The following ARK2C variants were observed in gnomAD, a reference collection of about 807,000 sequenced individuals.
ARK2C encodes arkadia (RNF111) C-terminal like ring finger ubiquitin ligase 2C.
chr18:46,403,143 C>T, the ARK2C span, among the ~76,000 whole-genome samples: 7,255 of 152,284 alleles, frequency 0.048, 196 homozygotes, highest in South Asian at 0.076. Context: ...TGTGATATTT[C>T]ACCTTGTTGG....
chr18:46,452,614 T>C, the ARK2C span, among the ~76,000 whole-genome samples: 2 of 152,066 alleles, frequency 1.3e-5, no homozygotes. Context: ...CTAGAACTGC[T>C]CTACAAAATA....
chr18:46,386,371 G>A, the ARK2C span: 1 of 152,168 alleles, frequency 6.6e-6, no homozygotes, highest in Non-Finnish European at 1.5e-5. Flanking sequence ...CATTTCATTT[G>A]AGACACAAGC....
chr18:46,371,924 C>A, the ARK2C span, among the ~76,000 whole-genome samples: 1 of 152,196 alleles, frequency 6.6e-6, no homozygotes, highest in South Asian at 2.1e-4. Context: ...TACTCTTATC[C>A]ATTCAACTAA....
At chr18:46,336,374 C>CT in the ARK2C span, 2 of 963,132 alleles carry the variant, frequency 2.1e-6, no homozygotes, top group Non-Finnish European at 2.4e-6. Flanking sequence ...TTCTCCCTCA[C>CT]CCCCCCCAAC....
chr18:46,431,189 C>T, the ARK2C span, among the ~76,000 whole-genome samples: 3 of 152,254 alleles, frequency 2.0e-5, no homozygotes, highest in African/African-American at 2.4e-5. Flanking sequence ...TGATGGTTTC[C>T]AGTTTCATCC....
the ARK2C span, among the ~76,000 whole-genome samples, chr18:46,344,523 G>A: frequency 1.1e-4 from 17 of 152,190 alleles, no homozygotes; most frequent in African/African-American, 3.9e-4. Flanking sequence ...ATGGGAGAAT[G>A]TGCCCACTCC....
chr18:46,384,368 T>C, the ARK2C span, among the ~76,000 whole-genome samples: 2 of 152,232 alleles, frequency 1.3e-5, no homozygotes, highest in Non-Finnish European at 2.9e-5. Flanking sequence ...GGGGGGATTC[T>C]TGATACTTCT....
the ARK2C span, among the ~76,000 whole-genome samples, chr18:46,362,177 C>G: frequency 2.6e-5 from 4 of 152,214 alleles, no homozygotes; most frequent in African/African-American, 9.6e-5. Context: ...GTCGCTGTCC[C>G]CTCCAAGGTC....
At chr18:46,360,334 G>T in the ARK2C span, among the ~76,000 whole-genome samples, 2 of 152,220 alleles carry the variant, frequency 1.3e-5, no homozygotes, top group Non-Finnish European at 2.9e-5. Flanking sequence ...CACAGAGGGT[G>T]CTCCCCTGCA....
the ARK2C span, among the ~76,000 whole-genome samples, chr18:46,443,693 G>A: frequency 6.6e-6 from 1 of 152,204 alleles, no homozygotes; most frequent in South Asian, 2.1e-4. Flanking sequence ...GACAGAGACT[G>A]TACGGCTTTT....
chr18:46,360,213 C>G, the ARK2C span, among the ~76,000 whole-genome samples: 1 of 152,200 alleles, frequency 6.6e-6, no homozygotes, highest in African/African-American at 2.4e-5. Context: ...CCTCCTCTCC[C>G]GCATGGGGCC....
the ARK2C span, among the ~76,000 whole-genome samples, chr18:46,374,778 A>G: frequency 1.3e-5 from 2 of 152,194 alleles, no homozygotes; most frequent in Non-Finnish European, 2.9e-5. Flanking sequence ...TGGGGGGGCT[A>G]GAGACCCTAC....
chr18:46,415,778 C>T, the ARK2C span, among the ~76,000 whole-genome samples: 1 of 152,242 alleles, frequency 6.6e-6, no homozygotes, highest in African/African-American at 2.4e-5. Flanking sequence ...TAATTCATTG[C>T]ACTGGATGGT....
the ARK2C span, among the ~76,000 whole-genome samples, chr18:46,342,338 TCC>T: frequency 0.021 from 3,162 of 152,320 alleles, 106 homozygotes; most frequent in African/African-American, 0.073. Context: ...ATACCTGCTT[TCC>T]CGCCATAGCT....
the ARK2C span, chr18:46,447,360 C>T: frequency 1.7e-6 from 1 of 599,500 alleles, no homozygotes; most frequent in Non-Finnish European, 2.9e-6. Context: ...CTAGCTCCTT[C>T]AGACCTTTCA....
the ARK2C span, among the ~76,000 whole-genome samples, chr18:46,406,621 C>T: frequency 6.6e-6 from 1 of 152,234 alleles, no homozygotes; most frequent in African/African-American, 2.4e-5. Flanking sequence ...GGGCCCCAGG[C>T]TGACTCTACC....
the ARK2C span, among the ~76,000 whole-genome samples, chr18:46,404,787 T>TACACACACAC: frequency 1.3e-5 from 2 of 149,932 alleles, no homozygotes; most frequent in South Asian, 2.1e-4. Context: ...CACACACACA[T>TACACACACAC]ACACACACAC....
chr18:46,435,294 G>A, the ARK2C span: 5 of 1,613,992 alleles, frequency 3.1e-6, no homozygotes, highest in African/African-American at 4.0e-5. Context: ...TGCAGGCGGA[G>A]TCAGGAGCGT....
the ARK2C span, among the ~76,000 whole-genome samples, chr18:46,359,841 TG>T: frequency 1.3e-5 from 2 of 152,222 alleles, no homozygotes; most frequent in South Asian, 2.1e-4. Context: ...GAGGATGGGA[TG>T]GGAGTGCCTT....
Sources: allele counts gnomAD v4.1 joint callset (sites outside exome capture counted in the v4.1 genomes callset), GRCh38; gene constraint gnomAD v4.1.1; transcripts MANE v1.5; gene names NCBI Gene and HGNC (gene_info 2026-07-23, HGNC 2026-07-21).